The following C16orf95 variants were observed in gnomAD, a reference collection of about 807,000 sequenced individuals.
C16orf95 encodes uncharacterized protein C16orf95.
C16orf95 carries 41 observed loss-of-function variants against 32.1 expected under a neutral mutation model. That is an observed-to-expected ratio of 1.28 (90% CI 1.00 to 1.66). The LOEUF (loss-of-function observed/expected upper bound fraction) is 1.66. Among genes scored for constraint, C16orf95 ranks in the 40% most tolerant of loss-of-function variants. The pLI is 0.00. For synonymous variants in C16orf95, 147 were observed against 128.9 expected, an observed-to-expected ratio of 1.14 and a Z score of -0.95; for missense variants, 399 against 325.9, an observed-to-expected ratio of 1.22 and a Z score of -1.73.
intron 6 of C16orf95, chr16:87,303,421 C>T (rs955325704): frequency 1.2e-5 from 3 of 250,886 alleles, no homozygotes; most frequent in Non-Finnish European, 2.4e-5. Flanking sequence ...AGATTCTAAG[C>T]CCACCCTCTC....
intron 5 of C16orf95, among the ~76,000 whole-genome samples, chr16:87,307,431 G>A (rs138615211): frequency 1.3e-5 from 2 of 151,426 alleles, no homozygotes; most frequent in East Asian, 1.9e-4. Flanking sequence ...AATACATAAA[G>A]GGACTGCAAA....
chr16:87,314,116 T>C (rs1490209573), intron 3 of C16orf95, among the ~76,000 whole-genome samples: 1 of 152,186 alleles, frequency 6.6e-6, no homozygotes, highest in African/African-American at 2.4e-5. Flanking sequence ...GTTTCTTTTT[T>C]AAAGTTAAAC....
intron 3 of C16orf95, among the ~76,000 whole-genome samples, chr16:87,312,690 C>T (rs1386239534): frequency 6.6e-6 from 1 of 151,850 alleles, no homozygotes; most frequent in East Asian, 1.9e-4. Flanking sequence ...AAAGGTCTAG[C>T]CAGTGTATCA....
chr16:87,309,219 T>TG (rs1911162608), intron 5 of C16orf95, among the ~76,000 whole-genome samples: 1 of 152,174 alleles, frequency 6.6e-6, no homozygotes, highest in South Asian at 2.1e-4. Flanking sequence ...CTTTTTAAAC[T>TG]GATGTCTTTT....
intron 3 of C16orf95, among the ~76,000 whole-genome samples, chr16:87,312,719 C>G (rs1911341439): frequency 6.6e-6 from 1 of 152,104 alleles, no homozygotes; most frequent in Non-Finnish European, 1.5e-5. Flanking sequence ...AAATAAAAGT[C>G]TCCAAATTGA....
In C16orf95 at chr16:87,305,885, A is replaced by T. The variant is rs1190620719; in HGVS notation, c.535T>A (p.Cys179Ser). 1.4e-6 allele frequency: 2 copies of T among 1,437,956 alleles called. No individual in the cohort carries two copies. The highest frequency in any genetic ancestry group is 1.5e-5 in the African/African-American group (1 of 68,102). The allele number at this position is 1,437,956 out of a possible 1,614,324, so 89.1% of individuals were successfully genotyped here. A position where few individuals can be genotyped will look rare whatever the true frequency, so the allele number is the denominator to read the frequency against. ...CAGATCCGCCAGCAGTTGTGCCAGC[A>T]GCATGCATCCAGCAGGGGTGCTAGG... Reference protein sequence around the residue: ...GIQAPLLDACCWHNCWRICGD... With the variant: ...GIQAPLLDACSWHNCWRICGD... Residue 179 changes from cysteine to serine, a missense_variant, in exon 6 of 7, where the codon TGC becomes AGC. Transcript: ENST00000567970. This position sits in a 1 kb window ranked among gnomAD's most constrained non-coding sequence, Gnocchi z 4.2.
intron 2 of C16orf95, among the ~76,000 whole-genome samples, chr16:87,315,415 CAT>C (rs777890798): frequency 2.3e-4 from 35 of 152,246 alleles, no homozygotes; most frequent in African/African-American, 5.1e-4. Context: ...CTTATGCGCA[CAT>C]GAGTGCTGCC....
chr16:87,304,479 T>C (rs1263974349), intron 6 of C16orf95, among the ~76,000 whole-genome samples: 1 of 152,024 alleles, frequency 6.6e-6, no homozygotes, highest in Non-Finnish European at 1.5e-5. Flanking sequence ...CTAAATGTGA[T>C]CATCAAGCTG....
intron 4 of C16orf95, 50 bp downstream of exon 4, chr16:87,311,100 G>A (rs752792487): frequency 4.2e-6 from 6 of 1,416,296 alleles, no homozygotes; most frequent in Non-Finnish European, 4.6e-6. Context: ...CCTTCCCCCG[G>A]CCCCCACCTC....
chr16:87,312,017 T>A (rs1235604090), intron 3 of C16orf95, among the ~76,000 whole-genome samples: 1 of 152,158 alleles, frequency 6.6e-6, no homozygotes, highest in Non-Finnish European at 1.5e-5. Context: ...ACACTACCAT[T>A]TGCATTTTTC....
At chr16:87,309,829 G>A (rs1911200660) in intron 5 of C16orf95, among the ~76,000 whole-genome samples, 2 of 152,144 alleles carry the variant, frequency 1.3e-5, no homozygotes, top group Admixed American at 6.5e-5. Context: ...GAATGTATGA[G>A]CATACTATGT....
At chr16:87,314,364 G>A (rs1260866107) in intron 3 of C16orf95, among the ~76,000 whole-genome samples, 1 of 152,164 alleles carries the variant, frequency 6.6e-6, no homozygotes, top group Non-Finnish European at 1.5e-5. Context: ...TGATCACATA[G>A]AAGAATCTCA....
chr16:87,305,778 C>T lies in C16orf95; in HGVS notation c.642G>A (p.Leu214=), dbSNP rs569444702. The T allele has an allele frequency of 3.4e-4, 522 of 1,518,232 alleles. 1 individual carries two copies. Among genetic ancestry groups the T allele is most frequent in the African/African-American group, 4.1e-4 (29 of 71,276 alleles). The allele number at this position is 1,518,232 out of a possible 1,614,324, so 94.0% of individuals were successfully genotyped here. A position where few individuals can be genotyped will look rare whatever the true frequency, so the allele number is the denominator to read the frequency against. Residue 214 remains leucine (L), a synonymous_variant, in exon 6 of 7, where the codon CTG becomes CTA. Coordinates refer to ENST00000567970, the MANE Select transcript of C16orf95 (RefSeq NM_001195124.3). The surrounding 1 kb of genome is among the most constrained non-coding windows in gnomAD (Gnocchi z 4.2). ...GGAGGGTCAGGAGGCCGAGGGGCAG[C>T]AGACGCGCTGCAGGAGCCGGTAGCT... The part of the protein sequence containing the change: ...QDQLPAPAAR[L]LPLGLLTLLQ...
rs1276515431 is a variant in C16orf95 at position 87,302,891 on chromosome 16, AC to A, written c.*165del. On this transcript the variant is annotated 3_prime_UTR_variant, in exon 7 of 7. Transcript: ENST00000567970. The stretch of plus-strand genomic sequence containing the variant: ...CCACATTCACATGAACTTTGCTACA[AC>A]CAAGAATCACCTGATGAGAAATCAT... 1.4e-6 allele frequency: 1 copy of A among 710,130 alleles called. No homozygotes were observed. Among genetic ancestry groups the A allele is most frequent in the Non-Finnish European group, 2.4e-6 (1 of 414,110 alleles). The allele number at this position is 710,130 out of a possible 1,614,324, so 44.0% of individuals were successfully genotyped here. A position where few individuals can be genotyped will look rare whatever the true frequency, so the allele number is the denominator to read the frequency against.
Position 87,305,950 on chromosome 16 carries a change from G to A in C16orf95, c.515-45C>T, listed in dbSNP as rs78469864. On this transcript the variant is annotated intron_variant, in intron 5 of 6. Transcript: ENST00000567970. The surrounding 1 kb of genome is among the most constrained non-coding windows in gnomAD (Gnocchi z 4.2). ...GTTGAGGACAGGGCGTGTTCTCCGG[G>A]ACTCTGTGAGCCACGAGGAGGCTGC... The A allele has an allele frequency of 1.1e-3, 1,452 of 1,348,224 alleles. 15 individuals carry two copies. In the African/African-American group the frequency reaches 0.02, roughly 19 times the overall value. 83.5% of individuals were successfully genotyped at this position (1,348,224 alleles called of 1,614,324 possible).
At chr16:87,310,410 A>G (rs1911228513) in intron 4 of C16orf95, 77 bp from the exon 5 acceptor site, 1 of 1,430,238 alleles carries the variant, frequency 7.0e-7, no homozygotes, top group East Asian at 2.5e-5. Context: ...GGGACTCCAA[A>G]CCTCCAGGAG....
Position 87,317,080 on chromosome 16 carries a change from G to C in C16orf95, c.152+11C>G, listed in dbSNP as rs987719274. 6 of 1,513,872 alleles carry C rather than the reference G, an allele frequency of 4.0e-6. No homozygotes were observed. The highest frequency in any genetic ancestry group is 5.3e-6 in the Non-Finnish European group (6 of 1,133,668). 93.8% of individuals were successfully genotyped at this position (1,513,872 alleles called of 1,614,324 possible). ...TCGGGTAGCCGCGGGCAGGATTCAG[G>C]ACTCACTTGCCTGCCATCCTGCGCG... On this transcript the variant is annotated intron_variant, in intron 1 of 6. Transcript: ENST00000567970.
Position 87,302,888 on chromosome 16 carries a change from A to G in C16orf95, c.*169T>C. The G allele has an allele frequency of 1.4e-6, 1 of 694,108 alleles. No individual in the cohort carries two copies. Among genetic ancestry groups the G allele is most frequent in the African/African-American group, 1.8e-5 (1 of 56,354 alleles). 43.0% of individuals were successfully genotyped at this position (694,108 alleles called of 1,614,324 possible). A position where few individuals can be genotyped will look rare whatever the true frequency, so the allele number is the denominator to read the frequency against. Reference sequence around the variant, plus strand: ...CACCCACATTCACATGAACTTTGCTACAACCAAGAATCACCTGATGAGAAA... The same window carrying G: ...CACCCACATTCACATGAACTTTGCTGCAACCAAGAATCACCTGATGAGAAA... On this transcript the variant is annotated 3_prime_UTR_variant, in exon 7 of 7. Coordinates refer to ENST00000567970, the MANE Select transcript of C16orf95 (RefSeq NM_001195124.3).
intron 4 of C16orf95, among the ~76,000 whole-genome samples, chr16:87,310,534 A>T (rs913182611): frequency 6.6e-6 from 1 of 152,178 alleles, no homozygotes; most frequent in Non-Finnish European, 1.5e-5. Flanking sequence ...ACTGGAAGTC[A>T]GGGGGAAGGA....
Sources: gnomAD v4.1 joint callset for allele counts (sites outside exome capture counted in the v4.1 genomes callset) on GRCh38, gnomAD v4.1.1 for gene constraint, Gnocchi (gnomAD v3.1) non-coding constraint, MANE v1.5 for transcripts, NCBI Gene and HGNC (gene_info 2026-07-23, HGNC 2026-07-21) for gene names.